THAP3: variants seen among roughly 807,000 people sequenced by gnomAD.
The protein encoded by THAP3 is THAP domain-containing protein 3.
In THAP3, 12 loss-of-function variants were observed where a neutral mutation model predicts 17.7. That is an observed-to-expected ratio of 0.68 (90% CI 0.43 to 1.10). The LOEUF is 1.10. Ranked by LOEUF, THAP3 falls within the 50% of genes least tolerant of loss-of-function variation. The pLI, the probability that THAP3 is intolerant of heterozygous loss-of-function variation, is 0.00. For missense variants in THAP3, 289 were observed against 318.0 expected, an observed-to-expected ratio of 0.91 and a Z score of 0.69; for synonymous variants, 133 against 126.9, an observed-to-expected ratio of 1.05 and a Z score of -0.32.
chr1:6,625,254 C>A lies in THAP3; in HGVS notation c.36C>A (p.Asn12Lys). ...PKSCAARQCC[N>K]RYSSRRKQLT... The stretch of plus-strand genomic sequence containing the variant: ...CGTGCGCGGCCCGGCAGTGCTGCAA[C>A]CGCTACAGCAGCCGCAGGAAGCAGC... Residue 12 changes from asparagine to lysine, a missense_variant, in exon 2 of 6, where the codon AAC becomes AAA. Physicochemically the swap from Asn to Lys is moderately conservative, Grantham distance 94. Transcript: ENST00000054650. The A allele has an allele frequency of 1.9e-6, 3 of 1,545,376 alleles. No homozygotes were observed. Among genetic ancestry groups the A allele is most frequent in the Non-Finnish European group, 2.6e-6 (3 of 1,147,422 alleles).
At chr1:6,632,701 T>C in intron 5 of THAP3, 95 bp from the exon 6 acceptor site, 1 of 1,514,606 alleles carries the variant, frequency 6.6e-7, no homozygotes, top group Non-Finnish European at 9.1e-7. Flanking sequence ...CTAGCTGCCC[T>C]GGGGTTGTGC....
rs1047741679 is a variant in THAP3, at chr1:6,625,154, C to T, written c.-65C>T. ...CGGCCCCGCCCCTCCCCGCAGGTCC[C>T]TCCCCTCTCCGCAGGCCCCGCCGCC... On this transcript the variant is annotated 5_prime_UTR_variant, in exon 2 of 6. Transcript: ENST00000054650. 2.8e-5 allele frequency: 42 copies of T among 1,500,932 alleles called. No individual in the cohort carries two copies. Among genetic ancestry groups the T allele is most frequent in the African/African-American group, 4.3e-5 (3 of 69,904 alleles). The allele number at this position is 1,500,932 out of a possible 1,614,324, so 93.0% of individuals were successfully genotyped here.
At position 6,628,305 on chromosome 1, in the gene THAP3, C is replaced by T. The variant is rs538495716; in HGVS notation, c.75-194C>T. Reference sequence around the variant, plus strand: ...GGCTCTCTGGCCATGCTCGTGGTCTCGGGTTTCCTATTAAGAGTGCTTTAA... The same window carrying T: ...GGCTCTCTGGCCATGCTCGTGGTCTTGGGTTTCCTATTAAGAGTGCTTTAA... On this transcript the variant is annotated intron_variant, in intron 2 of 5. Coordinates refer to ENST00000054650, the MANE Select transcript of THAP3 (RefSeq NM_001195753.2). The T allele has an allele frequency of 8.3e-5, 45 of 542,504 alleles. No individual in the cohort carries two copies. In the South Asian group the frequency reaches 9.7e-4, roughly 12 times the overall value. 33.6% of individuals were successfully genotyped at this position (542,504 alleles called of 1,614,324 possible). A position where few individuals can be genotyped will look rare whatever the true frequency, so the allele number is the denominator to read the frequency against.
At chr1:6,625,391 C>G (rs982536480) in intron 2 of THAP3, 99 bp downstream of exon 2, 2 of 1,133,398 alleles carry the variant, frequency 1.8e-6, no homozygotes, top group East Asian at 3.5e-5. Flanking sequence ...CAAAGGCGTG[C>G]GGCCGCTGGG....
chr1:6,629,519 C>T (rs1174438469), intron 3 of THAP3: 1 of 152,602 alleles, frequency 6.6e-6, no homozygotes, highest in African/African-American at 2.4e-5. Context: ...TTCAGGAAGC[C>T]CTTCTGGACC....
At chr1:6,626,154 A>T (rs10864629) in intron 2 of THAP3, among the ~76,000 whole-genome samples, 51,211 of 151,672 alleles carry the variant, frequency 0.34, 8,881 homozygotes, top group South Asian at 0.47. Context: ...CAAATAATTT[A>T]AAAAAATTAG....
At chr1:6,634,857 C>G, downstream of THAP3, 3 of 1,228,802 alleles carry the variant, frequency 2.4e-6, no homozygotes, top group Non-Finnish European at 3.2e-6. Flanking sequence ...TGCCAAGCGC[C>G]TGGTCCTGTC....
In THAP3 at chr1:6,633,417, A is replaced by G. The variant is rs1184182054; in HGVS notation, c.*340A>G. 41 of 1,190,062 alleles carry G rather than the reference A, an allele frequency of 3.4e-5. No homozygotes were observed. The highest frequency in any genetic ancestry group is 4.3e-5 in the Non-Finnish European group (41 of 951,522). 73.7% of individuals were successfully genotyped at this position (1,190,062 alleles called of 1,614,324 possible). On this transcript the variant is annotated 3_prime_UTR_variant, in exon 6 of 6. Transcript: ENST00000054650. ...AGCCCCAGTGTGGGAGATGCTCCTC[A>G]GGGAGGAAGCCATGTGAGGGGGCTG... is the stretch of plus-strand genomic sequence containing the variant.
chr1:6,628,512 C>A lies in THAP3; in HGVS notation c.88C>A (p.Arg30Ser). 1 of 1,612,212 alleles carries A rather than the reference C, an allele frequency of 6.2e-7. No individual in the cohort carries two copies. The highest frequency in any genetic ancestry group is 8.5e-7 in the Non-Finnish European group (1 of 1,179,316). Reference protein sequence around the residue: ...QLTFHRFPFSRPELLKEWVLN... With the variant: ...QLTFHRFPFSSPELLKEWVLN... Reference sequence around the variant, plus strand: ...CTCTGCCCTTAGGTTTCCGTTCAGCCGCCCGGAGCTGCTGAAGGAATGGGT... The same window carrying A: ...CTCTGCCCTTAGGTTTCCGTTCAGCAGCCCGGAGCTGCTGAAGGAATGGGT... The change falls in exon 3 of 6, where the codon CGC (arginine) becomes AGC (serine). Residue 30 changes from arginine (R) to serine (S), a missense_variant. Coordinates refer to ENST00000054650, the MANE Select transcript of THAP3 (RefSeq NM_001195753.2).
chr1:6,633,305 G>A lies in THAP3; in HGVS notation c.*228G>A. ...GAGTGCACATCTGTGAGCATGACAAGCTTATCCTCCCATGGTAACAGAAGT... is the reference window on the plus strand; with the variant it reads ...GAGTGCACATCTGTGAGCATGACAAACTTATCCTCCCATGGTAACAGAAGT... On this transcript the variant is annotated 3_prime_UTR_variant, in exon 6 of 6. Transcript: ENST00000054650. 2 of 1,412,346 alleles carry A rather than the reference G, an allele frequency of 1.4e-6. No individual in the cohort carries two copies. The highest frequency in any genetic ancestry group is 1.8e-6 in the Non-Finnish European group (2 of 1,086,436). The allele number at this position is 1,412,346 out of a possible 1,614,324, so 87.5% of individuals were successfully genotyped here.
At position 6,631,306 on chromosome 1, in the gene THAP3, C is replaced by T. The variant is rs939737501; in HGVS notation, c.333+953C>T. Among the ~76,000 whole-genome samples the T allele has an allele frequency of 4.6e-5, 7 of 152,140 alleles. No homozygotes were observed. The South Asian group carries it at 6.2e-4, about 13-fold the overall frequency. ...TGCTGGAATTATAGGCGGGAGCCAC[C>T]GCACCTGGCCGTGCCTGATTTCTTA... On this transcript the variant is annotated intron_variant, in intron 4 of 5. Transcript: ENST00000054650.
At chr1:6,634,678 C>A (rs757828579), downstream of THAP3, 33 of 1,366,194 alleles carry the variant, frequency 2.4e-5, no homozygotes, top group Non-Finnish European at 3.1e-5. Flanking sequence ...CATTCTGCAT[C>A]CCAAGTGGGC....
downstream of THAP3, chr1:6,635,026 A>C: frequency 2.4e-6 from 1 of 411,446 alleles, no homozygotes; most frequent in Non-Finnish European, 3.9e-6. Flanking sequence ...CGGGAGTTAC[A>C]CTACCCTGTC....
At chr1:6,633,999 T>TG, downstream of THAP3, 1 of 1,609,872 alleles carries the variant, frequency 6.2e-7, no homozygotes, top group Non-Finnish European at 8.5e-7. Context: ...TTTCCTAACT[T>TG]GGGGTCTATT....
chr1:6,626,992 C>T lies in THAP3; in HGVS notation c.75-1507C>T, dbSNP rs183269091. On this transcript the variant is annotated intron_variant, in intron 2 of 5. Coordinates refer to ENST00000054650, the MANE Select transcript of THAP3 (RefSeq NM_001195753.2). ...CTTGAAGTCGTTTCCTCCACTCCCA[C>T]GAGAGCTCTGTCACATCACTAGTGA... Among the ~76,000 whole-genome samples, 238 of 152,378 alleles carry T rather than the reference C, an allele frequency of 1.6e-3. 1 individual carries two copies. The highest frequency in any genetic ancestry group is 3.5e-3 in the South Asian group (17 of 4,826).
downstream of THAP3, chr1:6,635,463 C>A (rs1308300197): frequency 3.6e-6 from 2 of 556,604 alleles, no homozygotes; most frequent in Non-Finnish European, 6.4e-6. Flanking sequence ...AGGCTGCAGT[C>A]TGGTTCCCAG....
At chr1:6,635,355 C>A (rs1020003744), downstream of THAP3, 4 of 279,810 alleles carry the variant, frequency 1.4e-5, no homozygotes, top group South Asian at 2.2e-4. Flanking sequence ...AACTACAGGG[C>A]GGCGGGCTGC....
At chr1:6,633,951 A>G (rs988936424), downstream of THAP3, 27 of 1,405,146 alleles carry the variant, frequency 1.9e-5, no homozygotes, top group Non-Finnish European at 4.9e-6. Context: ...TGTCTAATTT[A>G]TAGCTTTAGT....
chr1:6,633,444 C>G lies in THAP3; in HGVS notation c.*367C>G, dbSNP rs1294618997. The G allele has an allele frequency of 7.8e-6, 9 of 1,161,038 alleles. No homozygotes were observed. Among genetic ancestry groups the G allele is most frequent in the Non-Finnish European group, 9.6e-6 (9 of 934,396 alleles). 71.9% of individuals were successfully genotyped at this position (1,161,038 alleles called of 1,614,324 possible). A position where few individuals can be genotyped will look rare whatever the true frequency, so the allele number is the denominator to read the frequency against. On this transcript the variant is annotated 3_prime_UTR_variant, in exon 6 of 6. Coordinates refer to ENST00000054650, the MANE Select transcript of THAP3 (RefSeq NM_001195753.2). ...GGAGGAAGCCATGTGAGGGGGCTGG[C>G]TCTGTGGCGGGTGAGTGGTCCCCTC...
Sources: gnomAD v4.1 joint callset for allele counts (sites outside exome capture counted in the v4.1 genomes callset) on GRCh38, gnomAD v4.1.1 for gene constraint, MANE v1.5 for transcripts, NCBI Gene and HGNC (gene_info 2026-07-23, HGNC 2026-07-21) for gene names.